The following PTPRD variants were observed in gnomAD, a reference collection of about 807,000 sequenced individuals.
PTPRD encodes the protein protein tyrosine phosphatase receptor type D, also known as receptor-type tyrosine-protein phosphatase delta.
PTPRD carries 34 observed loss-of-function variants against 214.5 expected under a neutral mutation model. The observed-to-expected ratio is 0.16, with a 90% CI of 0.12 to 0.21. PTPRD has a LOEUF of 0.21. Ranked by LOEUF, PTPRD falls within the 10% of genes least tolerant of loss-of-function variation. The pLI is 1.00. For synonymous variants in PTPRD, 1,128 were observed against 845.7 expected (o/e 1.33, Z -5.79); for missense variants, 2,545 against 2,398.7 (o/e 1.06, Z -1.27).
chr9:9,785,645 A>G (rs947764428), intron 5 of PTPRD, among the ~76,000 whole-genome samples: 1 of 152,132 alleles, frequency 6.6e-6, no homozygotes, highest in African/African-American at 2.4e-5. Flanking sequence ...TGGAGCATTT[A>G]AATGCAATTC....
chr9:8,350,012 A>G (rs934914412), intron 39 of PTPRD, among the ~76,000 whole-genome samples: 1 of 151,976 alleles, frequency 6.6e-6, no homozygotes, highest in Non-Finnish European at 1.5e-5. Context: ...AATCCATTAA[A>G]CAAGTATGCC....
At chr9:9,898,735 C>CAT (rs2075672985) in intron 5 of PTPRD, among the ~76,000 whole-genome samples, 1 of 152,046 alleles carries the variant, frequency 6.6e-6, no homozygotes, top group African/African-American at 2.4e-5. Context: ...TTTAAGAAAC[C>CAT]ATATGCTGTA....
intron 8 of PTPRD, among the ~76,000 whole-genome samples, chr9:9,437,375 G>C (rs946529964): frequency 6.6e-6 from 1 of 152,014 alleles, no homozygotes; most frequent in African/African-American, 2.4e-5. Context: ...TGATTGCACT[G>C]TCACCAGGAG....
intron 39 of PTPRD, among the ~76,000 whole-genome samples, chr9:8,373,281 A>G (rs1186258467): frequency 6.6e-6 from 1 of 151,992 alleles, no homozygotes; most frequent in Non-Finnish European, 1.5e-5. Flanking sequence ...GATAACATGG[A>G]TGTTGACGAT....
At chr9:9,887,860 T>A (rs1228564933) in intron 5 of PTPRD, among the ~76,000 whole-genome samples, 1 of 152,120 alleles carries the variant, frequency 6.6e-6, no homozygotes, top group Non-Finnish European at 1.5e-5. Flanking sequence ...ATCTATTCCA[T>A]TACCTGAAAA....
At chr9:10,269,241 G>C (rs551290038) in intron 3 of PTPRD, among the ~76,000 whole-genome samples, 2 of 152,204 alleles carry the variant, frequency 1.3e-5, no homozygotes, top group East Asian at 1.9e-4. Context: ...ATTTCTAATT[G>C]CCCTAACTAT....
intron 14 of PTPRD, among the ~76,000 whole-genome samples, chr9:8,625,636 C>G (rs775722121): frequency 1.3e-5 from 2 of 151,252 alleles, no homozygotes; most frequent in African/African-American, 4.9e-5. Flanking sequence ...CTCAATAGTG[C>G]TACACTTATG....
At chr9:10,431,790 G>A (rs1278040065) in intron 2 of PTPRD, among the ~76,000 whole-genome samples, 1 of 152,008 alleles carries the variant, frequency 6.6e-6, no homozygotes, top group Non-Finnish European at 1.5e-5. Flanking sequence ...GAAATAACAG[G>A]TGCTGGAGAG....
At chr9:9,446,278 C>T (rs1035880694) in intron 8 of PTPRD, among the ~76,000 whole-genome samples, 2 of 152,094 alleles carry the variant, frequency 1.3e-5, no homozygotes, top group Non-Finnish European at 2.9e-5. Context: ...CATCTGTCCT[C>T]CCAAGTGTTG....
At chr9:8,580,608 G>T (rs998547127) in intron 14 of PTPRD, among the ~76,000 whole-genome samples, 1 of 152,176 alleles carries the variant, frequency 6.6e-6, no homozygotes, top group African/African-American at 2.4e-5. Context: ...TAAACTTGAG[G>T]TGTTGTATTC....
intron 4 of PTPRD, among the ~76,000 whole-genome samples, chr9:9,957,859 G>T (rs971330844): frequency 6.6e-6 from 1 of 150,420 alleles, no homozygotes; most frequent in African/African-American, 2.4e-5. Context: ...CAGAATAGAA[G>T]ATTAGCACTA....
At chr9:9,254,643 A>C (rs950571859) in intron 9 of PTPRD, among the ~76,000 whole-genome samples, 8 of 152,196 alleles carry the variant, frequency 5.3e-5, no homozygotes, top group Non-Finnish European at 7.4e-5. Context: ...TGGTTCCTCT[A>C]ACTTTCATGA....
At chr9:9,765,281 G>C (rs149922513) in intron 6 of PTPRD, among the ~76,000 whole-genome samples, 181 of 152,204 alleles carry the variant, frequency 1.2e-3, no homozygotes, top group African/African-American at 4.1e-3. Context: ...AGAAAACATA[G>C]AGTATGTTTT....
chr9:9,823,945 C>T (rs948094733), intron 5 of PTPRD, among the ~76,000 whole-genome samples: 2 of 151,982 alleles, frequency 1.3e-5, no homozygotes, highest in African/African-American at 2.4e-5. Context: ...GATCATTACA[C>T]ATTTTATGTT....
intron 11 of PTPRD, among the ~76,000 whole-genome samples, chr9:8,834,520 G>A (rs2097370700): frequency 6.6e-6 from 1 of 152,072 alleles, no homozygotes; most frequent in Admixed American, 6.6e-5. Flanking sequence ...AGGAATTACG[G>A]CAAAGGTATT....
At chr9:9,970,456 G>GAAAAAT (rs1233930971) in intron 4 of PTPRD, among the ~76,000 whole-genome samples, 1 of 124,694 alleles carries the variant, frequency 8.0e-6, no homozygotes, top group East Asian at 2.0e-4. Context: ...AAAAGAAAAA[G>GAAAAAT]AAAAAGAAAA....
chr9:10,442,759 G>A (rs769374449), intron 2 of PTPRD, among the ~76,000 whole-genome samples: 2 of 151,482 alleles, frequency 1.3e-5, no homozygotes, highest in Non-Finnish European at 3.0e-5. Flanking sequence ...ATTGTTAAAT[G>A]TTGTCTATAA....
intron 3 of PTPRD, among the ~76,000 whole-genome samples, chr9:10,065,514 TG>T (rs1426186940): frequency 1.3e-5 from 2 of 151,974 alleles, no homozygotes; most frequent in Non-Finnish European, 2.9e-5. Context: ...ATTTGATTTT[TG>T]TTATAGTGCT....
At chr9:9,352,110 C>T (rs986066653) in intron 9 of PTPRD, among the ~76,000 whole-genome samples, 1 of 151,748 alleles carries the variant, frequency 6.6e-6, no homozygotes, top group Non-Finnish European at 1.5e-5. Flanking sequence ...GCACCTGGCC[C>T]TTGCATTTTT....
Sources: allele counts gnomAD v4.1 joint callset (sites outside exome capture counted in the v4.1 genomes callset), GRCh38; gene constraint gnomAD v4.1.1; transcripts MANE v1.5; gene names NCBI Gene and HGNC (gene_info 2026-07-23, HGNC 2026-07-21).